RTKN2: variants seen among roughly 807,000 people sequenced by gnomAD.
RTKN2 encodes rhotekin 2.
Under a neutral mutation model 71.5 loss-of-function variants are expected in RTKN2, and 69 were observed. The ratio of observed to expected loss-of-function variants is 0.96; its 90% CI spans 0.79 to 1.18. The LOEUF is 1.18. Among genes scored for constraint, RTKN2 ranks in the 50% most tolerant of loss-of-function variants. RTKN2 has a pLI of 0.00. For missense variants in RTKN2, 724 were observed against 719.7 expected (o/e 1.01, Z -0.07); for synonymous variants, 236 against 236.5 (o/e 1.00, Z 0.02).
intron 2 of RTKN2, among the ~76,000 whole-genome samples, chr10:62,259,445 C>G (rs1842733386): frequency 6.6e-6 from 1 of 152,208 alleles, no homozygotes. Flanking sequence ...TTTCTTGAAT[C>G]TTGCTTCCTC....
intron 6 of RTKN2, among the ~76,000 whole-genome samples, chr10:62,224,956 G>GT (rs1841989056): frequency 6.6e-6 from 1 of 152,146 alleles, no homozygotes; most frequent in Non-Finnish European, 1.5e-5. Context: ...AATTCTAAGT[G>GT]TAATAGGAAA....
At chr10:62,232,641 A>G (rs1442510362) in intron 6 of RTKN2, among the ~76,000 whole-genome samples, 2 of 151,974 alleles carry the variant, frequency 1.3e-5, no homozygotes, top group Non-Finnish European at 2.9e-5. Context: ...GACCTCCTAT[A>G]AAATTATAAA....
chr10:62,232,029 C>T (rs1842159512), intron 6 of RTKN2, among the ~76,000 whole-genome samples: 1 of 152,116 alleles, frequency 6.6e-6, no homozygotes, highest in African/African-American at 2.4e-5. Flanking sequence ...ATTACAAGGA[C>T]ATGATTTGTG....
intron 6 of RTKN2, 133 bp from the exon 7 acceptor site, chr10:62,223,465 C>A: frequency 1.8e-6 from 1 of 566,194 alleles, no homozygotes; most frequent in Non-Finnish European, 3.2e-6. Flanking sequence ...AGACATTTCT[C>A]CAAAGAGAGG....
intron 10 of RTKN2, 134 bp from the exon 11 acceptor site, chr10:62,199,995 G>A: frequency 1.8e-6 from 1 of 570,840 alleles, no homozygotes; most frequent in Middle Eastern, 4.4e-4. Flanking sequence ...ACTGCGTTAA[G>A]GGAGGCTTGC....
chr10:62,268,470 G>T (rs1187328743), intron 1 of RTKN2, 81 bp downstream of exon 1: 3 of 1,308,336 alleles, frequency 2.3e-6, no homozygotes, highest in Admixed American at 4.0e-5. Context: ...AGGCTTTCCC[G>T]ACTCCTCCAC....
At chr10:62,209,085 C>G (rs979642681) in intron 9 of RTKN2, among the ~76,000 whole-genome samples, 1 of 152,014 alleles carries the variant, frequency 6.6e-6, no homozygotes, top group Non-Finnish European at 1.5e-5. Context: ...GCCTAACCAA[C>G]GCGGAGAAAC....
chr10:62,208,196 C>T (rs1841585949), intron 9 of RTKN2, among the ~76,000 whole-genome samples: 1 of 152,112 alleles, frequency 6.6e-6, no homozygotes, highest in South Asian at 2.1e-4. Context: ...TAAAACTGTA[C>T]TTCCTCCTCT....
chr10:62,210,001 G>T (rs573296497), intron 9 of RTKN2, among the ~76,000 whole-genome samples: 1 of 152,076 alleles, frequency 6.6e-6, no homozygotes, highest in Admixed American at 6.5e-5. Context: ...TTGCTGGGTC[G>T]AATGGTATCT....
intron 9 of RTKN2, among the ~76,000 whole-genome samples, chr10:62,211,224 A>G (rs950219085): frequency 6.6e-6 from 1 of 152,234 alleles, no homozygotes; most frequent in African/African-American, 2.4e-5. Context: ...TGTCTTGCTC[A>G]AGAACATTCT....
intron 5 of RTKN2, chr10:62,239,087 A>C (rs1842317757): frequency 6.6e-6 from 1 of 152,128 alleles, no homozygotes; most frequent in Non-Finnish European, 1.5e-5. Context: ...GAGCAGGGAC[A>C]ATAAAAACAG....
At chr10:62,188,592 T>A (rs1351742365), downstream of RTKN2, among the ~76,000 whole-genome samples, 4 of 152,136 alleles carry the variant, frequency 2.6e-5, no homozygotes, top group Non-Finnish European at 5.9e-5. Flanking sequence ...CTGCTCAGAA[T>A]GCTTTTTCCC....
At chr10:62,210,634 C>T (rs1481880989) in intron 9 of RTKN2, among the ~76,000 whole-genome samples, 1 of 152,048 alleles carries the variant, frequency 6.6e-6, no homozygotes, top group Admixed American at 6.6e-5. Context: ...TAAAAACAAG[C>T]TTTAGACTTT....
Position 62,194,090 on chromosome 10 carries a change from T to C in RTKN2, c.*3818A>G. 4.1e-6 allele frequency: 4 copies of C among 981,126 alleles called. No homozygotes were observed. The highest frequency in any genetic ancestry group is 4.8e-6 in the Non-Finnish European group (4 of 826,076). 60.8% of individuals were successfully genotyped at this position (981,126 alleles called of 1,614,324 possible). ...CCTTTGGTACTTTAAAAAATGTATG[T>C]CCATGATATAATACTTTTTAATCCA... On this transcript the variant is annotated 3_prime_UTR_variant, in exon 12 of 12. Coordinates refer to ENST00000373789, the MANE Select transcript of RTKN2 (RefSeq NM_145307.4).
At chr10:62,206,830 G>A (rs1354456870) in intron 9 of RTKN2, among the ~76,000 whole-genome samples, 1 of 151,722 alleles carries the variant, frequency 6.6e-6, no homozygotes, top group Non-Finnish European at 1.5e-5. Context: ...TTTTTATTAT[G>A]TAACAAATTT....
At chr10:62,259,314 A>C in intron 2 of RTKN2, 1 of 312,452 alleles carries the variant, frequency 3.2e-6, no homozygotes, top group South Asian at 2.5e-5. Context: ...TAACAGTGTG[A>C]AAATGAACTA....
At chr10:62,220,898 A>C (rs919291372) in intron 7 of RTKN2, among the ~76,000 whole-genome samples, 1 of 152,144 alleles carries the variant, frequency 6.6e-6, no homozygotes, top group Non-Finnish European at 1.5e-5. Flanking sequence ...TCAATATTCA[A>C]CAAGAAAAAA....
intron 1 of RTKN2, among the ~76,000 whole-genome samples, chr10:62,265,839 G>A (rs1198630350): frequency 6.6e-6 from 1 of 152,152 alleles, no homozygotes; most frequent in African/African-American, 2.4e-5. Context: ...TACCGATTGG[G>A]CATTCAATAG....
At chr10:62,249,828 T>C (rs762107168) in intron 2 of RTKN2, among the ~76,000 whole-genome samples, 2 of 152,190 alleles carry the variant, frequency 1.3e-5, no homozygotes, top group Non-Finnish European at 2.9e-5. Context: ...TTTCTGAGTA[T>C]TTATATTTTT....
Sources: gnomAD v4.1 joint callset for allele counts (sites outside exome capture counted in the v4.1 genomes callset) on GRCh38, gnomAD v4.1.1 for gene constraint, MANE v1.5 for transcripts, NCBI Gene and HGNC (gene_info 2026-07-23, HGNC 2026-07-21) for gene names.